The following LRP2 variants were observed in gnomAD, a reference collection of about 807,000 sequenced individuals.
LRP2 encodes low-density lipoprotein receptor-related protein 2.
LRP2 carries 172 observed loss-of-function variants against 531.0 expected under a neutral mutation model. That is an observed-to-expected ratio of 0.32 (90% CI 0.29 to 0.37). LRP2 has a LOEUF of 0.37. Ranked by LOEUF, LRP2 falls within the 10% of genes least tolerant of loss-of-function variation. The probability of loss-of-function intolerance (pLI) is 1.00; values close to 1 mark genes in which losing one functional copy is unlikely to be tolerated. For missense variants in LRP2, 5,167 were observed against 5,868.3 expected, an observed-to-expected ratio of 0.88 and a Z score of 3.90; for synonymous variants, 1,992 against 2,027.6, an observed-to-expected ratio of 0.98 and a Z score of 0.47.
At chr2:169,240,279 C>A (rs1437070514) in intron 25 of LRP2, among the ~76,000 whole-genome samples, 1 of 152,162 alleles carries the variant, frequency 6.6e-6, no homozygotes, top group Admixed American at 6.5e-5. Context: ...TATCGTCATG[C>A]CTTACTTTCA....
intron 1 of LRP2, among the ~76,000 whole-genome samples, chr2:169,333,788 A>G (rs80122464): frequency 0.013 from 1,980 of 152,228 alleles, 43 homozygotes; most frequent in African/African-American, 0.045. Flanking sequence ...GAACTTCAGA[A>G]CATGCCTCAC....
At chr2:169,227,099 T>A (rs1384166248) in intron 31 of LRP2, among the ~76,000 whole-genome samples, 2 of 152,220 alleles carry the variant, frequency 1.3e-5, no homozygotes, top group African/African-American at 4.8e-5. Flanking sequence ...GAGACTTTAA[T>A]AAATAAATCC....
intron 35 of LRP2, among the ~76,000 whole-genome samples, chr2:169,215,778 A>ATATATAGAATCTATATAGATTC (rs1688764631): frequency 6.8e-6 from 1 of 147,776 alleles, no homozygotes; most frequent in Non-Finnish European, 1.5e-5. Context: ...TATATAGATC[A>ATATATAGAATCTATATAGATTC]TATATAGAAT....
intron 76 of LRP2, among the ~76,000 whole-genome samples, chr2:169,134,596 C>A (rs1389263291): frequency 6.6e-6 from 1 of 152,198 alleles, no homozygotes; most frequent in African/African-American, 2.4e-5. Flanking sequence ...GTATCTTCCA[C>A]ATCTATCATT....
Position 169,177,951 on chromosome 2 carries a change from A to T in LRP2, c.10245T>A (p.Ile3415=). The T allele has an allele frequency of 6.2e-7, 1 of 1,614,204 alleles. No individual in the cohort carries two copies. The highest frequency in any genetic ancestry group is 2.2e-5 in the East Asian group (1 of 44,890). ...CTGTCCAATAAATAGTGTCTTCAAA[A>T]ATGGTAATAGCGAAAGGGTGAGGCA... The part of the protein sequence containing the change: ...GALPHPFAIT[I]FEDTIYWTDW... The change falls in exon 53 of 79, where the codon ATT becomes ATA. Residue 3415 remains isoleucine, a synonymous_variant. Transcript: ENST00000649046.
chr2:169,270,646 C>A (rs1683383698), intron 16 of LRP2, among the ~76,000 whole-genome samples: 1 of 151,526 alleles, frequency 6.6e-6, no homozygotes, highest in Admixed American at 6.6e-5. Context: ...AGGAGATATA[C>A]CTAACATAAA....
At chr2:169,341,315 TA>T (rs1212951140) in intron 1 of LRP2, among the ~76,000 whole-genome samples, 4 of 151,486 alleles carry the variant, frequency 2.6e-5, no homozygotes, top group Admixed American at 6.6e-5. Context: ...TTATGTGAAG[TA>T]AAAAAAAATT....
At chr2:169,245,107 T>A (rs1488169366) in intron 21 of LRP2, among the ~76,000 whole-genome samples, 175 bp from the exon 22 acceptor site, 1 of 152,234 alleles carries the variant, frequency 6.6e-6, no homozygotes, top group Non-Finnish European at 1.5e-5. Flanking sequence ...GGCATTTATT[T>A]GGTATTTATC....
intron 1 of LRP2, among the ~76,000 whole-genome samples, chr2:169,338,079 T>A (rs1685453598): frequency 6.6e-6 from 1 of 151,006 alleles, no homozygotes; most frequent in Admixed American, 6.6e-5. Flanking sequence ...TGCACTGCAC[T>A]CCAGCCTGAC....
chr2:169,327,675 T>G (rs867884118), intron 1 of LRP2, among the ~76,000 whole-genome samples: 133 of 48,406 alleles, frequency 2.7e-3, no homozygotes, highest in African/African-American at 0.011. Flanking sequence ...CTCAGCCCCC[T>G]CCCGGCCAGC....
chr2:169,190,624 G>A (rs949298853), intron 48 of LRP2, among the ~76,000 whole-genome samples: 3 of 152,000 alleles, frequency 2.0e-5, no homozygotes, highest in Admixed American at 6.6e-5. Context: ...GTCTTCCTTC[G>A]CATGCTGTAA....
intron 3 of LRP2, among the ~76,000 whole-genome samples, chr2:169,316,376 T>C (rs1210469086): frequency 6.6e-6 from 1 of 152,172 alleles, no homozygotes; most frequent in Non-Finnish European, 1.5e-5. Context: ...CTTACAGCAA[T>C]CTTTCTTCTT....
chr2:169,142,687 A>T lies in LRP2; in HGVS notation c.13095T>A (p.Thr4365=), dbSNP rs747293276. 3 of 1,614,006 alleles carry T rather than the reference A, an allele frequency of 1.9e-6. No individual in the cohort carries two copies. The East Asian group carries it at 6.7e-5, about 36-fold the overall frequency. Residue 4365 remains threonine (T), a synonymous_variant, in exon 71 of 79, where the codon ACT becomes ACA. Transcript: ENST00000649046. ...QGSSFIEGST[T]ECDAAIELPI... is the part of the protein sequence containing the mutation. ...CAGTGCTCCTACCTGCATCACACTC[A>T]GTGGTGCTCCCCTCTATAAAGCTGG... is the stretch of plus-strand genomic sequence containing the variant.
chr2:169,156,291 T>C lies in LRP2; in HGVS notation c.12134A>G (p.Lys4045Arg), dbSNP rs536591416. 1.2e-6 allele frequency: 2 copies of C among 1,613,720 alleles called. No individual in the cohort carries two copies. The highest frequency in any genetic ancestry group is 2.2e-5 in the East Asian group (1 of 44,880). ...CATCATACCCTCAGCTGCACATCGT[T>C]TTCCAGGGCGGTCACTCATAGACGT... ...GFTSMSDRPGKRCAAEGSSPL... is the reference protein window; with the variant it reads ...GFTSMSDRPGRRCAAEGSSPL... Residue 4045 changes from lysine (K) to arginine (R), a missense_variant, in exon 65 of 79, where the codon AAA (lysine) becomes AGA (arginine). Lys to Arg is a conservative substitution (Grantham distance 26). Coordinates refer to ENST00000649046, the MANE Select transcript of LRP2 (RefSeq NM_004525.3).
chr2:169,327,773 G>A (rs1482096968), intron 1 of LRP2, among the ~76,000 whole-genome samples: 7 of 121,240 alleles, frequency 5.8e-5, no homozygotes, highest in Admixed American at 1.5e-4. Flanking sequence ...TCAGCCCCCC[G>A]CCCGGCCAGC....
At chr2:169,293,998 C>T (rs1684070898) in intron 6 of LRP2, 150 bp downstream of exon 6, 6 of 705,114 alleles carry the variant, frequency 8.5e-6, no homozygotes, top group South Asian at 4.7e-5. Context: ...CCCTAGTGAC[C>T]GTCTGATTCC....
intron 14 of LRP2, among the ~76,000 whole-genome samples, chr2:169,274,427 T>G (rs1037959641): frequency 6.6e-6 from 1 of 151,440 alleles, no homozygotes; most frequent in Non-Finnish European, 1.5e-5. Flanking sequence ...TCAGAAAAAA[T>G]AAAAAGAAAA....
intron 6 of LRP2, 81 bp downstream of exon 6, chr2:169,294,067 G>A: frequency 1.1e-6 from 1 of 930,504 alleles, no homozygotes; most frequent in Non-Finnish European, 1.8e-6. Context: ...TGGTGGGGGA[G>A]CGGGGGGATA....
chr2:169,162,822 A>G (rs1686639103), intron 62 of LRP2, among the ~76,000 whole-genome samples: 1 of 152,236 alleles, frequency 6.6e-6, no homozygotes, highest in Admixed American at 6.5e-5. Context: ...TGAAAAGCAC[A>G]CGTGCCTCCT....
Sources: gnomAD v4.1 joint callset for allele counts (sites outside exome capture counted in the v4.1 genomes callset) on GRCh38, gnomAD v4.1.1 for gene constraint, MANE v1.5 for transcripts, NCBI Gene and HGNC (gene_info 2026-07-23, HGNC 2026-07-21) for gene names.